Variants in VAV3 observed in about 807,000 individuals in gnomAD.
VAV3 encodes the protein guanine nucleotide exchange factor VAV3.
VAV3 carries 94 observed loss-of-function variants against 131.2 expected under a neutral mutation model. The observed-to-expected ratio is 0.72, with a 90% CI of 0.61 to 0.85. The LOEUF is 0.85. VAV3 is among the 40% of genes least tolerant of loss of function. The probability of loss-of-function intolerance (pLI) is 0.00; values close to 1 mark genes in which losing one functional copy is unlikely to be tolerated. For synonymous variants in VAV3, 349 were observed against 342.0 expected (o/e 1.02, Z -0.22); for missense variants, 939 against 1,002.7 (o/e 0.94, Z 0.86).
chr1:107,934,753 T>C (rs1673626079), intron 1 of VAV3, among the ~76,000 whole-genome samples: 1 of 152,252 alleles, frequency 6.6e-6, no homozygotes, highest in African/African-American at 2.4e-5. Flanking sequence ...TTTAGCATTT[T>C]CAAATATCAC....
intron 25 of VAV3, among the ~76,000 whole-genome samples, chr1:107,581,157 C>T (rs1288128083): frequency 8.5e-5 from 13 of 152,204 alleles, no homozygotes; most frequent in Non-Finnish European, 1.8e-4. Context: ...ACCAATACTG[C>T]GACCTTTTTC....
chr1:107,905,943 T>C (rs1447257015), intron 1 of VAV3, among the ~76,000 whole-genome samples: 2 of 152,188 alleles, frequency 1.3e-5, no homozygotes, highest in African/African-American at 4.8e-5. Context: ...ATTTGTAGAA[T>C]TGCTTTCAAC....
intron 19 of VAV3, among the ~76,000 whole-genome samples, chr1:107,643,651 C>T (rs1163659392): frequency 6.6e-6 from 1 of 152,094 alleles, no homozygotes; most frequent in Non-Finnish European, 1.5e-5. Flanking sequence ...CATGGTGAAG[C>T]TGTAACTGGC....
chr1:107,838,081 T>G (rs913546042), intron 2 of VAV3, among the ~76,000 whole-genome samples: 2 of 152,108 alleles, frequency 1.3e-5, no homozygotes, highest in South Asian at 4.1e-4. Flanking sequence ...TAGGAGAAAC[T>G]ATCAACAGAG....
intron 2 of VAV3, among the ~76,000 whole-genome samples, chr1:107,873,081 G>A (rs1670325729): frequency 6.6e-6 from 1 of 152,138 alleles, no homozygotes; most frequent in African/African-American, 2.4e-5. Flanking sequence ...GTAGGTTCAA[G>A]TTCTAAACCA....
chr1:107,645,059 T>C (rs992283979), intron 19 of VAV3, among the ~76,000 whole-genome samples: 2 of 151,994 alleles, frequency 1.3e-5, no homozygotes, highest in Non-Finnish European at 2.9e-5. Context: ...CTCTATCTTT[T>C]CTGGTATTGC....
intron 3 of VAV3, 138 bp from the exon 4 acceptor site, chr1:107,777,434 A>G (rs1002417583): frequency 3.3e-5 from 25 of 761,708 alleles, no homozygotes; most frequent in Non-Finnish European, 5.2e-5. Flanking sequence ...CATGTCTAAC[A>G]ATATCTAGGG....
intron 2 of VAV3, among the ~76,000 whole-genome samples, chr1:107,793,877 T>C (rs1228826320): frequency 2.0e-5 from 3 of 152,074 alleles, no homozygotes; most frequent in African/African-American, 7.2e-5. Context: ...ATCTGGGAGA[T>C]AGTAAAGGAA....
chr1:107,837,963 T>C (rs1668546601), intron 2 of VAV3, among the ~76,000 whole-genome samples: 1 of 152,056 alleles, frequency 6.6e-6, no homozygotes, highest in Non-Finnish European at 1.5e-5. Flanking sequence ...AATACTCTTC[T>C]CAACATGGGA....
intron 2 of VAV3, among the ~76,000 whole-genome samples, chr1:107,827,680 A>G (rs1052240606): frequency 6.6e-6 from 1 of 152,168 alleles, no homozygotes; most frequent in African/African-American, 2.4e-5. Flanking sequence ...ATGACATCAA[A>G]CATATCTGAA....
intron 2 of VAV3, among the ~76,000 whole-genome samples, chr1:107,851,118 G>A (rs924943302): frequency 6.7e-6 from 1 of 149,856 alleles, no homozygotes; most frequent in Non-Finnish European, 1.5e-5. Flanking sequence ...CTTGCAGTGA[G>A]CCGGGATAGC....
chr1:107,695,602 G>A (rs536234475), intron 17 of VAV3, among the ~76,000 whole-genome samples: 3 of 152,212 alleles, frequency 2.0e-5, no homozygotes, highest in Non-Finnish European at 2.9e-5. Flanking sequence ...AATGCAAGAC[G>A]CATGGGAGGG....
chr1:107,765,027 C>T (rs1264995991), intron 9 of VAV3, 49 bp downstream of exon 9: 2 of 1,311,238 alleles, frequency 1.5e-6, no homozygotes, highest in African/African-American at 1.5e-5. Context: ...GAACACATTG[C>T]TTTTAGGTTT....
chr1:107,787,505 A>G (rs539696953), intron 2 of VAV3, among the ~76,000 whole-genome samples: 1 of 152,298 alleles, frequency 6.6e-6, no homozygotes, highest in South Asian at 2.1e-4. Flanking sequence ...CATCTTTAAA[A>G]GAGGTGATCC....
chr1:107,740,157 C>T (rs999772020), intron 15 of VAV3, among the ~76,000 whole-genome samples: 4 of 152,184 alleles, frequency 2.6e-5, no homozygotes, highest in South Asian at 2.1e-4. Flanking sequence ...TGTGGTGTTG[C>T]GTGCCTATAA....
At chr1:107,686,760 T>C (rs191314817) in intron 18 of VAV3, among the ~76,000 whole-genome samples, 1 of 152,288 alleles carries the variant, frequency 6.6e-6, no homozygotes, top group East Asian at 1.9e-4. Flanking sequence ...ATTAATTCCT[T>C]GTATCATAGG....
At chr1:107,823,568 GA>G (rs1667889931) in intron 2 of VAV3, among the ~76,000 whole-genome samples, 1 of 152,156 alleles carries the variant, frequency 6.6e-6, no homozygotes, top group South Asian at 2.1e-4. Context: ...AGCAGTGGAA[GA>G]AAAGCTGAGC....
intron 17 of VAV3, among the ~76,000 whole-genome samples, chr1:107,692,141 G>A (rs1186524431): frequency 1.3e-5 from 2 of 152,086 alleles, no homozygotes; most frequent in Admixed American, 1.3e-4. Flanking sequence ...TGACTAAAGT[G>A]CTATTTCTGT....
chr1:107,951,900 A>C (rs936567772), intron 1 of VAV3, among the ~76,000 whole-genome samples: 4 of 152,134 alleles, frequency 2.6e-5, no homozygotes, highest in Non-Finnish European at 5.9e-5. Context: ...ACATTTGTGG[A>C]AGACAGTGTG....
Sources: gnomAD v4.1 joint callset for allele counts (sites outside exome capture counted in the v4.1 genomes callset) on GRCh38, gnomAD v4.1.1 for gene constraint, MANE v1.5 for transcripts, NCBI Gene and HGNC (gene_info 2026-07-23, HGNC 2026-07-21) for gene names.